The following ZNF773 variants were observed in gnomAD, a reference collection of about 807,000 sequenced individuals.
ZNF773 encodes zinc finger protein 419B.
In ZNF773, 11 loss-of-function variants were observed where a neutral mutation model predicts 12.8. The ratio of observed to expected loss-of-function variants is 0.86; its 90% confidence interval spans 0.54 to 1.42. The LOEUF is 1.42. Among genes scored for constraint, ZNF773 ranks in the 40% most tolerant of loss-of-function variants. The probability of loss-of-function intolerance (pLI) is 0.00; values close to 1 mark genes in which losing one functional copy is unlikely to be tolerated. For missense variants in ZNF773, 518 were observed against 527.2 expected (o/e 0.98, Z 0.17); for synonymous variants, 175 against 178.4 (o/e 0.98, Z 0.15).
intron 1 of ZNF773, among the ~76,000 whole-genome samples, chr19:57,503,683 A>G (rs2089694288): frequency 2.0e-5 from 3 of 146,496 alleles, no homozygotes; most frequent in Admixed American, 2.0e-4. Context: ...TTAAGATGGA[A>G]TTTTGCTCTT....
Position 57,508,018 on chromosome 19 carries a change from G to A in ZNF773, c.*594G>A, listed in dbSNP as rs2089762204. 3 of 225,574 alleles carry A rather than the reference G, an allele frequency of 1.3e-5. No individual in the cohort carries two copies. The highest frequency in any genetic ancestry group is 2.2e-5 in the Non-Finnish European group (3 of 136,528). The allele number at this position is 225,574 out of a possible 1,614,324, so 14.0% of individuals were successfully genotyped here. On this transcript the variant is annotated 3_prime_UTR_variant, in exon 4 of 4. Transcript: ENST00000282292. ...TAGCCCGGCGTGGTGGCAGGCAACT[G>A]TAGTCCCAGCTACTTGGGGGGCTGA...
At chr19:57,505,438 G>T in intron 3 of ZNF773, 38 bp downstream of exon 3, 1 of 1,610,468 alleles carries the variant, frequency 6.2e-7, no homozygotes, top group Non-Finnish European at 8.5e-7. Flanking sequence ...TATGAACTCG[G>T]GTATGGGTTT....
Position 57,507,342 on chromosome 19 carries a change from A to C in ZNF773, c.1247A>C (p.Glu416Ala). Residue 416 changes from glutamate to alanine, a missense_variant, in exon 4 of 4, where the codon GAG becomes GCG. Glu to Ala is a moderately radical substitution (Grantham distance 107). Transcript: ENST00000282292. ...QRVHTGAKPY[E>A]CRECGKFFRH... is the part of the protein sequence containing the mutation. ...GTTCACACTGGAGCAAAGCCTTATG[A>C]GTGCAGGGAATGTGGGAAATTTTTT... 10 of 1,613,716 alleles carry C rather than the reference A, an allele frequency of 6.2e-6. No individual in the cohort carries two copies. The highest frequency in any genetic ancestry group is 8.5e-6 in the Non-Finnish European group (10 of 1,179,928).
downstream of ZNF773, among the ~76,000 whole-genome samples, chr19:57,511,413 G>A (rs1012514409): frequency 2.6e-5 from 4 of 152,022 alleles, no homozygotes; most frequent in African/African-American, 7.3e-5. Context: ...ATGAATGTAC[G>A]GTAATTGAGA....
At chr19:57,510,727 C>A (rs2089787845), downstream of ZNF773, among the ~76,000 whole-genome samples, 1 of 151,828 alleles carries the variant, frequency 6.6e-6, no homozygotes, top group Admixed American at 6.6e-5. Context: ...TGCTTGGCAA[C>A]TGAAAAAATG....
chr19:57,510,323 A>G (rs1341376174), downstream of ZNF773, among the ~76,000 whole-genome samples: 1 of 152,218 alleles, frequency 6.6e-6, no homozygotes, highest in Non-Finnish European at 1.5e-5. Context: ...GCATTTTACA[A>G]AATTCAAAAC....
In ZNF773 at chr19:57,508,123, A is replaced by G. The variant is rs1256437869; in HGVS notation, c.*699A>G. On this transcript the variant is annotated 3_prime_UTR_variant, in exon 4 of 4. Coordinates refer to ENST00000282292, the MANE Select transcript of ZNF773 (RefSeq NM_198542.3). ...GCCACTGCACTCCAGCTTGGGTGACAGAGTGAGACTTCGTCTCAAAAAAAA... is the reference window on the plus strand; with the variant it reads ...GCCACTGCACTCCAGCTTGGGTGACGGAGTGAGACTTCGTCTCAAAAAAAA... 1.2e-5 allele frequency: 11 copies of G among 936,324 alleles called. No homozygotes were observed. The South Asian group carries it at 2.9e-4, about 25-fold the overall frequency. 58.0% of individuals were successfully genotyped at this position (936,324 alleles called of 1,614,324 possible).
At chr19:57,509,317 A>G (rs1363626629), downstream of ZNF773, among the ~76,000 whole-genome samples, 2 of 152,224 alleles carry the variant, frequency 1.3e-5, no homozygotes, top group East Asian at 3.8e-4. Context: ...TGTAGGTTTA[A>G]CTACAGATAA....
chr19:57,508,597 A>G (rs1395334244), downstream of ZNF773: 3 of 697,978 alleles, frequency 4.3e-6, no homozygotes, highest in Non-Finnish European at 7.8e-6. Context: ...AATTTTAAGA[A>G]CTTGCCAAAT....
chr19:57,506,239 C>T (rs1245120205), intron 3 of ZNF773, 119 bp from the exon 4 acceptor site: 1 of 1,480,366 alleles, frequency 6.8e-7, no homozygotes, highest in Non-Finnish European at 9.0e-7. Flanking sequence ...CAAGCGCTAG[C>T]CCCCTCATTC....
rs904989707 is a variant in ZNF773 at position 57,508,016 on chromosome 19, C to CT, written c.*593dup. 9.0e-6 allele frequency: 2 copies of CT among 221,360 alleles called. No homozygotes were observed. Among genetic ancestry groups the CT allele is most frequent in the African/African-American group, 4.8e-5 (2 of 41,382 alleles). The allele number at this position is 221,360 out of a possible 1,614,324, so 13.7% of individuals were successfully genotyped here. A position where few individuals can be genotyped will look rare whatever the true frequency, so the allele number is the denominator to read the frequency against. On this transcript the variant is annotated 3_prime_UTR_variant, in exon 4 of 4. Coordinates refer to ENST00000282292, the MANE Select transcript of ZNF773 (RefSeq NM_198542.3). ...ATTAGCCCGGCGTGGTGGCAGGCAACTGTAGTCCCAGCTACTTGGGGGGCT... is the reference window on the plus strand; with the variant it reads ...ATTAGCCCGGCGTGGTGGCAGGCAACTTGTAGTCCCAGCTACTTGGGGGGCT...
chr19:57,500,533 A>G (rs1460488848), intron 1 of ZNF773, among the ~76,000 whole-genome samples: 2 of 151,902 alleles, frequency 1.3e-5, no homozygotes, highest in African/African-American at 2.4e-5. Flanking sequence ...GTGAGTAGGT[A>G]AATTCAGTAG....
chr19:57,509,735 A>G (rs1189005547), downstream of ZNF773, among the ~76,000 whole-genome samples: 1 of 152,202 alleles, frequency 6.6e-6, no homozygotes, highest in African/African-American at 2.4e-5. Flanking sequence ...CTAGAGTCTC[A>G]TGGAGAATCT....
Position 57,507,613 on chromosome 19 carries a change from A to G in ZNF773, c.*189A>G. 7.2e-7 allele frequency: 1 copy of G among 1,395,130 alleles called. No individual in the cohort carries two copies. The highest frequency in any genetic ancestry group is 1.8e-5 in the South Asian group (1 of 55,200). 86.4% of individuals were successfully genotyped at this position (1,395,130 alleles called of 1,614,324 possible). A position where few individuals can be genotyped will look rare whatever the true frequency, so the allele number is the denominator to read the frequency against. On this transcript the variant is annotated 3_prime_UTR_variant, in exon 4 of 4. Coordinates refer to ENST00000282292, the MANE Select transcript of ZNF773 (RefSeq NM_198542.3). ...AGGCCTCAGCCAAAGGCCTAACCGT[A>G]TTCAACACCAGAAAGTTTAGACTGG...
downstream of ZNF773, among the ~76,000 whole-genome samples, chr19:57,511,051 ATTTAT>A (rs2089790253): frequency 7.3e-6 from 1 of 136,800 alleles, no homozygotes; most frequent in African/African-American, 2.7e-5. Flanking sequence ...ATTTTATTTT[ATTTAT>A]TTTTTTTTTT....
chr19:57,502,653 G>A (rs760510925), intron 1 of ZNF773, among the ~76,000 whole-genome samples: 2 of 152,108 alleles, frequency 1.3e-5, no homozygotes, highest in Non-Finnish European at 2.9e-5. Context: ...GGCTGTGGAC[G>A]TAGGAGATGT....
In ZNF773 at chr19:57,504,677, G is replaced by A; in HGVS notation, c.54G>A (p.Glu18=). ...DPAQQGYVTF[E]DVAVYFSQEE... is the part of the protein sequence containing the mutation. ...CTTAGCAGGGCTATGTGACCTTTGA[G>A]GACGTGGCTGTCTACTTCTCCCAGG... Residue 18 remains glutamate (E), a synonymous_variant, in exon 2 of 4, where the codon GAG becomes GAA. Coordinates refer to ENST00000282292, the MANE Select transcript of ZNF773 (RefSeq NM_198542.3). The A allele has an allele frequency of 1.2e-6, 2 of 1,614,066 alleles. No individual in the cohort carries two copies. Among genetic ancestry groups the A allele is most frequent in the African/African-American group, 1.3e-5 (1 of 74,998 alleles).
intron 3 of ZNF773, among the ~76,000 whole-genome samples, 162 bp downstream of exon 3, chr19:57,505,562 G>T (rs1271081063): frequency 3.3e-5 from 5 of 152,058 alleles, no homozygotes; most frequent in East Asian, 1.9e-4. Flanking sequence ...TATTCTGATA[G>T]TTGACCCAGG....
downstream of ZNF773, chr19:57,513,391 C>T (rs533740845): frequency 4.1e-4 from 90 of 218,808 alleles, no homozygotes; most frequent in African/African-American, 1.1e-3. Flanking sequence ...GATTTGCTTA[C>T]GGCATAGGAT....
Sources: gnomAD v4.1 joint callset for allele counts (sites outside exome capture counted in the v4.1 genomes callset) on GRCh38, gnomAD v4.1.1 for gene constraint, MANE v1.5 for transcripts, NCBI Gene and HGNC (gene_info 2026-07-23, HGNC 2026-07-21) for gene names.